Variants in UHRF1 observed in about 807,000 individuals in gnomAD.
UHRF1 encodes E3 ubiquitin-protein ligase UHRF1.
In UHRF1, 9 loss-of-function variants were observed where a neutral mutation model predicts 96.5. The ratio of observed to expected loss-of-function variants is 0.09; its 90% CI spans 0.06 to 0.16. The LOEUF is 0.16. UHRF1 is among the 10% of genes least tolerant of loss of function. The probability of loss-of-function intolerance (pLI) is 1.00; values close to 1 mark genes in which losing one functional copy is unlikely to be tolerated. For synonymous variants in UHRF1, 455 were observed against 469.9 expected (o/e 0.97, Z 0.41); for missense variants, 626 against 1,131.1 (o/e 0.55, Z 6.40).
chr19:4,935,913 C>T (rs141082236), intron 5 of UHRF1, among the ~76,000 whole-genome samples: 34 of 152,286 alleles, frequency 2.2e-4, no homozygotes, highest in African/African-American at 7.7e-4. Context: ...ATAACCTGCC[C>T]AGCCAGCACC....
At position 4,954,720 on chromosome 19, in the gene UHRF1, C is replaced by A. The variant is rs201090492; in HGVS notation, c.2028C>A (p.Leu676=). ...SKKTKVEPYS[L]TAQQSSLIRE... ...AAACCAAGGTGGAGCCCTACAGTCT[C>A]ACGGCCCAGCAGAGCAGCCTCATCA... Residue 676 remains leucine (L), a synonymous_variant, in exon 15 of 17, where the codon CTC becomes CTA. Transcript: ENST00000650932. The surrounding 1 kb of genome is among the most constrained non-coding windows in gnomAD (Gnocchi z 5.9). 4,115 of 1,613,770 alleles carry A rather than the reference C, an allele frequency of 2.5e-3. 27 individuals are homozygous for A. The highest frequency in any genetic ancestry group is 0.012 in the Middle Eastern group (70 of 6,060).
chr19:4,959,963 C>T (rs551399049), intron 16 of UHRF1, among the ~76,000 whole-genome samples: 5 of 152,348 alleles, frequency 3.3e-5, no homozygotes, highest in Admixed American at 2.6e-4. Flanking sequence ...CGGGTTCAAG[C>T]CATTCTCTTG....
rs180803923 is a variant in UHRF1 at position 4,930,862 on chromosome 19, C to T, written c.555C>T (p.His185=). 3.3e-5 allele frequency: 54 copies of T among 1,613,932 alleles called. No individual in the cohort carries two copies. The East Asian group carries it at 6.7e-4, about 20-fold the overall frequency. ...CGCTGGAGGAGGACGTCATTTACCA[C>T]GTGAAATACGACGAGTGAGTCATGG... is the stretch of plus-strand genomic sequence containing the variant. ...RPALEEDVIY[H]VKYDDYPENG... Residue 185 remains histidine, a synonymous_variant, in exon 4 of 17, where the codon CAC becomes CAT. Transcript: ENST00000650932. This position sits in a 1 kb window ranked among gnomAD's most constrained non-coding sequence, Gnocchi z 4.4.
intron 11 of UHRF1, among the ~76,000 whole-genome samples, chr19:4,948,224 A>G (rs1390930059): frequency 6.6e-6 from 1 of 152,132 alleles, no homozygotes; most frequent in East Asian, 1.9e-4. Flanking sequence ...GACCATATGT[A>G]AGTGAGTGAG....
chr19:4,916,908 T>C (rs2032528698), intron 2 of UHRF1, among the ~76,000 whole-genome samples: 1 of 152,174 alleles, frequency 6.6e-6, no homozygotes, highest in African/African-American at 2.4e-5. Flanking sequence ...TACACGGTCT[T>C]TGCTGAGCTC....
At chr19:4,946,113 T>G in intron 10 of UHRF1, 148 bp downstream of exon 10, 1 of 609,430 alleles carries the variant, frequency 1.6e-6, no homozygotes, top group Non-Finnish European at 2.8e-6. Flanking sequence ...TATGCAACCA[T>G]CACCACCACC....
chr19:4,938,745 T>TC (rs1568421961), intron 5 of UHRF1, among the ~76,000 whole-genome samples: 1 of 129,012 alleles, frequency 7.8e-6, no homozygotes, highest in East Asian at 2.2e-4. Context: ...TTTTTTTTTT[T>TC]TTTTTTTTTT....
chr19:4,904,682 C>T (rs2032028970), upstream of UHRF1, among the ~76,000 whole-genome samples: 1 of 152,236 alleles, frequency 6.6e-6, no homozygotes, highest in African/African-American at 2.4e-5. Context: ...GAGACCTTGT[C>T]TAAGTGAACT....
At chr19:4,909,899 G>C (rs1471594895) in intron 1 of UHRF1, 2 of 371,926 alleles carry the variant, frequency 5.4e-6, no homozygotes, top group African/African-American at 4.2e-5. Context: ...GGTGGGGGAG[G>C]GCCTGGCGAG....
intron 4 of UHRF1, among the ~76,000 whole-genome samples, chr19:4,931,383 T>G (rs998435166): frequency 6.6e-6 from 1 of 152,308 alleles, no homozygotes; most frequent in African/African-American, 2.4e-5. Context: ...TTCAAGCGAT[T>G]CTCCTGCCTC....
intron 16 of UHRF1, among the ~76,000 whole-genome samples, chr19:4,958,299 A>G (rs772195640): frequency 7.9e-5 from 12 of 152,164 alleles, no homozygotes; most frequent in Non-Finnish European, 1.6e-4. Context: ...AATCCCTCCA[A>G]GCCTCAGTTG....
intron 11 of UHRF1, among the ~76,000 whole-genome samples, chr19:4,950,377 G>A (rs1361865074): frequency 1.3e-5 from 2 of 151,696 alleles, no homozygotes; most frequent in African/African-American, 4.8e-5. Context: ...CTGAGTAGCT[G>A]GAATTACAGG....
chr19:4,942,017 C>A, intron 7 of UHRF1, 86 bp downstream of exon 7: 1 of 1,348,798 alleles, frequency 7.4e-7, no homozygotes, highest in Non-Finnish European at 9.7e-7. Flanking sequence ...AGGAGAGGGG[C>A]AGGCGCGGGG....
At chr19:4,953,457 C>G (rs531345067) in intron 13 of UHRF1, among the ~76,000 whole-genome samples, 5 of 152,206 alleles carry the variant, frequency 3.3e-5, no homozygotes, top group African/African-American at 1.2e-4. Flanking sequence ...TACTCTTGCA[C>G]TTTGGGGCCA....
chr19:4,926,543 T>C (rs1020070309), intron 2 of UHRF1, among the ~76,000 whole-genome samples: 1 of 152,016 alleles, frequency 6.6e-6, no homozygotes, highest in African/African-American at 2.4e-5. Context: ...CTGATGCTGG[T>C]GGATCGCTTG....
chr19:4,912,960 A>G (rs2032341906), intron 2 of UHRF1, among the ~76,000 whole-genome samples: 1 of 151,910 alleles, frequency 6.6e-6, no homozygotes, highest in Non-Finnish European at 1.5e-5. Flanking sequence ...GGGTCTTATT[A>G]TATTGCCCAG....
rs2033153715 is a variant in UHRF1, at chr19:4,934,315, T to C, written c.785+1359T>C. On this transcript the variant is annotated intron_variant, in intron 5 of 16. Transcript: ENST00000650932. ...TCCCACAGTGCTGGGATTACAGGCA[T>C]GAGCCACTGCGCCCGGCCAAAAATT... is the stretch of plus-strand genomic sequence containing the variant. Among the ~76,000 whole-genome samples, 3 of 152,202 alleles carry C rather than the reference T, an allele frequency of 2.0e-5. No individual in the cohort carries two copies. The South Asian group carries it at 6.2e-4, about 31-fold the overall frequency.
intron 2 of UHRF1, among the ~76,000 whole-genome samples, chr19:4,924,854 G>A (rs2032818719): frequency 7.0e-6 from 1 of 142,162 alleles, no homozygotes. Flanking sequence ...TTGAGACAGT[G>A]TCTCACTTGT....
intron 2 of UHRF1, among the ~76,000 whole-genome samples, chr19:4,914,494 C>T (rs938396328): frequency 2.6e-5 from 4 of 151,904 alleles, no homozygotes; most frequent in East Asian, 3.9e-4. Context: ...GGGTCTGTCT[C>T]GGAATATGGA....
Sources: allele counts gnomAD v4.1 joint callset (sites outside exome capture counted in the v4.1 genomes callset), GRCh38; gene constraint gnomAD v4.1.1; non-coding constraint Gnocchi (gnomAD v3.1); transcripts MANE v1.5; gene names NCBI Gene and HGNC (gene_info 2026-07-23, HGNC 2026-07-21).